OXR1: variants seen among roughly 807,000 people sequenced by gnomAD.
The protein encoded by OXR1 is oxidation resistance protein 1.
OXR1 carries 41 observed loss-of-function variants against 104.6 expected under a neutral mutation model. The ratio of observed to expected loss-of-function variants is 0.39; its 90% CI spans 0.31 to 0.51. The LOEUF (loss-of-function observed/expected upper bound fraction) is 0.51, where lower values mean the gene tolerates loss of function less well. Among genes scored for constraint, OXR1 ranks in the 20% least tolerant of loss-of-function variants. The pLI is 0.77. For missense variants in OXR1, 955 were observed against 1,031.9 expected (o/e 0.93, Z 1.02); for synonymous variants, 348 against 348.4 (o/e 1.00, Z 0.01).
intron 3 of OXR1, among the ~76,000 whole-genome samples, chr8:106,608,726 T>G (rs913783053): frequency 3.3e-5 from 5 of 152,190 alleles, no homozygotes; most frequent in Non-Finnish European, 7.4e-5. Context: ...CTTTTATTCT[T>G]TGACCAAAAC....
At chr8:106,314,572 C>A (rs1182588376) in intron 1 of OXR1, among the ~76,000 whole-genome samples, 46 of 152,132 alleles carry the variant, frequency 3.0e-4, no homozygotes, top group Admixed American at 3.0e-3. Flanking sequence ...AATGAATCAT[C>A]CAGATTTACT....
intron 3 of OXR1, among the ~76,000 whole-genome samples, chr8:106,638,628 C>T (rs866698947): frequency 6.6e-6 from 1 of 152,180 alleles, no homozygotes; most frequent in Non-Finnish European, 1.5e-5. Context: ...CGGCTGGGCG[C>T]GATGACTCAC....
intron 6 of OXR1, among the ~76,000 whole-genome samples, chr8:106,690,538 T>C (rs1025968880): frequency 4.0e-5 from 6 of 151,436 alleles, no homozygotes; most frequent in Non-Finnish European, 8.9e-5. Context: ...TCCCTGTATT[T>C]TTAACATCAC....
chr8:106,401,276 C>T (rs1817987696), intron 2 of OXR1, among the ~76,000 whole-genome samples: 1 of 152,186 alleles, frequency 6.6e-6, no homozygotes. Context: ...TGTAGTGGTG[C>T]AGCTGTCTGT....
At chr8:106,588,439 T>A (rs1310685469) in intron 3 of OXR1, among the ~76,000 whole-genome samples, 1 of 152,030 alleles carries the variant, frequency 6.6e-6, no homozygotes, top group Non-Finnish European at 1.5e-5. Flanking sequence ...AGGAAAATGT[T>A]CATTGGTTCT....
intron 2 of OXR1, among the ~76,000 whole-genome samples, chr8:106,503,504 C>T (rs1465086717): frequency 6.6e-6 from 1 of 152,180 alleles, no homozygotes; most frequent in Non-Finnish European, 1.5e-5. Flanking sequence ...GAATCCTGTC[C>T]TATCCCAACC....
Position 106,692,709 on chromosome 8 carries a change from CT to C in OXR1, c.526-16del, listed in dbSNP as rs757612858. Reference sequence around the variant, plus strand: ...TGTTTTCTGCTTTTTTTTTTCTTTCCTTTAAAAAAAAAAAAAAGAATCCTGA... The same window carrying C: ...TGTTTTCTGCTTTTTTTTTTCTTTCCTTAAAAAAAAAAAAAAGAATCCTGA... On this transcript the variant is annotated intron_variant, in intron 6 of 16. Transcript: ENST00000517566. 41 of 1,378,624 alleles carry C rather than the reference CT, an allele frequency of 3.0e-5. No homozygotes were observed. The highest frequency in any genetic ancestry group is 3.5e-5 in the South Asian group (2 of 57,268). The allele number at this position is 1,378,624 out of a possible 1,614,324, so 85.4% of individuals were successfully genotyped here.
At chr8:106,536,869 A>G (rs1480412180) in intron 3 of OXR1, among the ~76,000 whole-genome samples, 1 of 152,212 alleles carries the variant, frequency 6.6e-6, no homozygotes, top group Non-Finnish European at 1.5e-5. Flanking sequence ...CCCTGACACC[A>G]GTGGAAACAT....
intron 1 of OXR1, among the ~76,000 whole-genome samples, chr8:106,310,763 G>A (rs12681587): frequency 0.087 from 13,176 of 152,164 alleles, 658 homozygotes; most frequent in African/African-American, 0.13. Context: ...TTATTGAGAG[G>A]TGTGATGCTA....
At chr8:106,716,240 A>G (rs1832235187) in intron 11 of OXR1, among the ~76,000 whole-genome samples, 1 of 152,174 alleles carries the variant, frequency 6.6e-6, no homozygotes, top group Admixed American at 6.6e-5. Flanking sequence ...CTGTAGTGTA[A>G]AATATTCTAC....
At chr8:106,510,097 A>G (rs1812426604) in intron 2 of OXR1, among the ~76,000 whole-genome samples, 1 of 152,210 alleles carries the variant, frequency 6.6e-6, no homozygotes, top group Admixed American at 6.5e-5. Flanking sequence ...ATAATGGGAT[A>G]GGGAGGAGGC....
chr8:106,662,838 G>GA, intron 3 of OXR1, among the ~76,000 whole-genome samples: 1 of 119,590 alleles, frequency 8.4e-6, no homozygotes, highest in Middle Eastern at 4.2e-3. Flanking sequence ...TTCAGTAAAT[G>GA]GGATGATGAT....
At chr8:106,744,308 C>G (rs974536796) in intron 15 of OXR1, among the ~76,000 whole-genome samples, 10 of 152,178 alleles carry the variant, frequency 6.6e-5, no homozygotes, top group African/African-American at 2.4e-4. Context: ...CTTTTACTCC[C>G]TGGTAACTTT....
rs536723741 is a variant in OXR1 at position 106,653,071 on chromosome 8, G to GA, written c.221-26126dup. The stretch of plus-strand genomic sequence containing the variant: ...AAACTGACTGACACAAGGAGAAATA[G>GA]AAAAAAAAAAAAATATATATATATA... On this transcript the variant is annotated intron_variant, in intron 3 of 16. Coordinates refer to ENST00000517566, the MANE Select transcript of OXR1 (RefSeq NM_001198533.2). Among the ~76,000 whole-genome samples the GA allele has an allele frequency of 3.2e-3, 420 of 129,908 alleles. 1 individual carries two copies. Among genetic ancestry groups the GA allele is most frequent in the Middle Eastern group, 7.9e-3 (2 of 252 alleles). The allele number at this position is 129,908 out of a possible 152,430, so 85.2% of individuals were successfully genotyped here. A position where few individuals can be genotyped will look rare whatever the true frequency, so the allele number is the denominator to read the frequency against.
At chr8:106,338,612 T>G (rs1458976365) in intron 1 of OXR1, among the ~76,000 whole-genome samples, 1 of 151,700 alleles carries the variant, frequency 6.6e-6, no homozygotes, top group Admixed American at 6.6e-5. Context: ...CATTTTTTCC[T>G]TATTCCCACT....
At position 106,459,479 on chromosome 8, in the gene OXR1, A is replaced by G. The variant is rs1022857579; in HGVS notation, c.24-59464A>G. Among the ~76,000 whole-genome samples, 5 of 152,126 alleles carry G rather than the reference A, an allele frequency of 3.3e-5. 1 individual carries two copies. In the South Asian group the frequency reaches 1.0e-3, roughly 32 times the overall value. Reference sequence around the variant, plus strand: ...CCAGTCTGTATTTTTCCATTATAGCAATACAAAGCAGACAAAGACAAGCGC... The same window carrying G: ...CCAGTCTGTATTTTTCCATTATAGCGATACAAAGCAGACAAAGACAAGCGC... On this transcript the variant is annotated intron_variant, in intron 2 of 16. Coordinates refer to ENST00000517566, the MANE Select transcript of OXR1 (RefSeq NM_001198533.2).
chr8:106,375,923 C>T (rs115034102), intron 2 of OXR1, among the ~76,000 whole-genome samples: 3,810 of 152,310 alleles, frequency 0.025, 166 homozygotes, highest in African/African-American at 0.087. Flanking sequence ...GATCATAGTT[C>T]ACTGCAACCT....
intron 2 of OXR1, among the ~76,000 whole-genome samples, chr8:106,442,338 C>T (rs554724359): frequency 4.8e-4 from 73 of 152,160 alleles, no homozygotes; most frequent in Non-Finnish European, 4.6e-4. Context: ...TGATAATTTT[C>T]GCATCGATAT....
chr8:106,439,426 A>C (rs1180875243), intron 2 of OXR1, among the ~76,000 whole-genome samples: 2 of 152,172 alleles, frequency 1.3e-5, no homozygotes, highest in Non-Finnish European at 2.9e-5. Context: ...TTGTTTTTTA[A>C]CACAGCCAGT....
Sources: gnomAD v4.1 joint callset for allele counts (sites outside exome capture counted in the v4.1 genomes callset) on GRCh38, gnomAD v4.1.1 for gene constraint, MANE v1.5 for transcripts, NCBI Gene and HGNC (gene_info 2026-07-23, HGNC 2026-07-21) for gene names.